HS3ST2: variants seen among roughly 807,000 people sequenced by gnomAD.
HS3ST2 encodes heparan sulfate-glucosamine 3-sulfotransferase 2, also known as heparan sulfate glucosamine 3-O-sulfotransferase 2.
A neutral mutation model predicts 26.3 loss-of-function variants in HS3ST2; 17 were observed. That is an observed-to-expected ratio of 0.65 (90% CI 0.44 to 0.97). The LOEUF (loss-of-function observed/expected upper bound fraction) is 0.97, where lower values mean the gene tolerates loss of function less well. Among genes scored for constraint, HS3ST2 ranks in the 50% least tolerant of loss-of-function variants. The pLI, the probability that HS3ST2 is intolerant of heterozygous loss-of-function variation, is 0.00. For missense variants in HS3ST2, 402 were observed against 501.2 expected (o/e 0.80, Z 1.89); for synonymous variants, 237 against 219.2 (o/e 1.08, Z -0.72).
intron 1 of HS3ST2, among the ~76,000 whole-genome samples, chr16:22,883,633 G>GATGGCT (rs1902022610): frequency 6.6e-6 from 1 of 152,130 alleles, no homozygotes. Context: ...AATATTACAC[G>GATGGCT]ATGGCTAAAC....
chr16:22,845,956 G>T (rs1901425321), intron 1 of HS3ST2, among the ~76,000 whole-genome samples: 1 of 152,160 alleles, frequency 6.6e-6, no homozygotes, highest in Admixed American at 6.5e-5. Context: ...AAGCCAAGAG[G>T]CCCAGTCAAC....
rs935716817 is a variant in HS3ST2, at chr16:22,824,562, A to G, written c.485+9467A>G. ...ACTCCGCCAAAAAGCAAGCAAACAAACAAACAAACAAACAAACAAACCATG... is the reference window on the plus strand; with the variant it reads ...ACTCCGCCAAAAAGCAAGCAAACAAGCAAACAAACAAACAAACAAACCATG... On this transcript the variant is annotated intron_variant, in intron 1 of 1. Coordinates refer to ENST00000261374, the MANE Select transcript of HS3ST2 (RefSeq NM_006043.2). 5.6e-3 allele frequency among the ~76,000 whole-genome samples: 846 copies of G among 152,256 alleles called. 7 individuals carry two copies. Among genetic ancestry groups the G allele is most frequent in the Non-Finnish European group, 8.9e-3 (605 of 68,012 alleles).
intron 1 of HS3ST2, among the ~76,000 whole-genome samples, chr16:22,871,138 A>T (rs73551265): frequency 6.6e-6 from 1 of 152,214 alleles, no homozygotes; most frequent in African/African-American, 2.4e-5. Context: ...CAGGTGGATC[A>T]CGAGATCAGG....
At position 22,814,827 on chromosome 16, in the gene HS3ST2, T is replaced by C. The variant is rs777795175; in HGVS notation, c.217T>C (p.Cys73Arg). 7 of 1,576,638 alleles carry C rather than the reference T, an allele frequency of 4.4e-6. No individual in the cohort carries two copies. In the South Asian group the frequency reaches 6.9e-5, roughly 16 times the overall value. The change falls in exon 1 of 2, where the codon TGT becomes CGT. Residue 73 changes from cysteine (C) to arginine (R), a missense_variant. By Grantham distance (180) the Cys-to-Arg change is radical. This residue lies in a region of HS3ST2 where 165 missense variants were observed against 154.6 expected (regional missense o/e 1.07). Transcript: ENST00000261374. ...GQKLLQKSRP[C>R]DPSGPTPSEP... The stretch of plus-strand genomic sequence containing the variant: ...GAAACTTCTCCAGAAGTCCCGCCCC[T>C]GTGATCCCTCCGGGCCGACGCCCAG...
At chr16:22,849,076 G>A (rs187911607) in intron 1 of HS3ST2, among the ~76,000 whole-genome samples, 33 of 152,152 alleles carry the variant, frequency 2.2e-4, no homozygotes, top group Admixed American at 1.6e-3. Context: ...CTTGTTTTTC[G>A]CATCTAAGAA....
At chr16:22,824,976 A>G (rs536360686) in intron 1 of HS3ST2, among the ~76,000 whole-genome samples, 2 of 152,338 alleles carry the variant, frequency 1.3e-5, no homozygotes, top group South Asian at 4.1e-4. Context: ...TAGGAAGCAT[A>G]CAAAGACAGA....
chr16:22,848,826 G>C (rs1901481654), intron 1 of HS3ST2, among the ~76,000 whole-genome samples: 1 of 152,188 alleles, frequency 6.6e-6, no homozygotes, highest in African/African-American at 2.4e-5. Context: ...GCTGCCAAGG[G>C]AAGGAACCCT....
chr16:22,816,664 A>G (rs1900874754), intron 1 of HS3ST2, among the ~76,000 whole-genome samples: 1 of 152,170 alleles, frequency 6.6e-6, no homozygotes, highest in Non-Finnish European at 1.5e-5. Flanking sequence ...TGTGCTTTCC[A>G]AGCTGTGACT....
intron 1 of HS3ST2, among the ~76,000 whole-genome samples, chr16:22,815,307 C>T (rs892738793): frequency 2.0e-5 from 3 of 152,220 alleles, no homozygotes; most frequent in African/African-American, 4.8e-5. Flanking sequence ...AAGGGCGTTC[C>T]CTCGTCACTG....
chr16:22,855,092 T>C (rs926252522), intron 1 of HS3ST2, among the ~76,000 whole-genome samples: 2 of 152,196 alleles, frequency 1.3e-5, no homozygotes, highest in Admixed American at 6.5e-5. Flanking sequence ...CTGTTGGAAT[T>C]TACTCTATTT....
rs1813109294 is a variant in HS3ST2, at chr16:22,915,021, C to T, written c.563C>T (p.Pro188Leu). The T allele has an allele frequency of 6.2e-7, 1 of 1,613,998 alleles. No individual in the cohort carries two copies. The highest frequency in any genetic ancestry group is 1.1e-5 in the South Asian group (1 of 91,072). ...AGCTACTTTGTCACTCAAGAGGCTC[C>T]TCGACGCATCTTCAACATGTCCCGA... The part of the protein sequence containing the change: ...TPSYFVTQEA[P>L]RRIFNMSRDT... Residue 188 changes from proline (P) to leucine (L), a missense_variant, in exon 2 of 2, where the codon CCT becomes CTT. This residue lies in a region of HS3ST2 where 237 missense variants were observed against 346.6 expected (regional missense o/e 0.68). Transcript: ENST00000261374.
At chr16:22,857,136 C>T (rs747162420) in intron 1 of HS3ST2, among the ~76,000 whole-genome samples, 1 of 151,952 alleles carries the variant, frequency 6.6e-6, no homozygotes, top group Admixed American at 6.6e-5. Flanking sequence ...AATGACACCT[C>T]GTTAAAAAAA....
chr16:22,899,235 T>C (rs1555514507), intron 1 of HS3ST2, among the ~76,000 whole-genome samples: 1 of 151,994 alleles, frequency 6.6e-6, no homozygotes, highest in Non-Finnish European at 1.5e-5. Flanking sequence ...CCGTGGACAA[T>C]TCAGGCAGGA....
At chr16:22,876,842 A>G (rs1216305401) in intron 1 of HS3ST2, among the ~76,000 whole-genome samples, 2 of 152,188 alleles carry the variant, frequency 1.3e-5, no homozygotes, top group African/African-American at 4.8e-5. Context: ...ACCTAGATGG[A>G]GTCGAAGGCC....
chr16:22,899,022 C>G (rs1443737853), intron 1 of HS3ST2, among the ~76,000 whole-genome samples: 1 of 152,180 alleles, frequency 6.6e-6, no homozygotes, highest in Non-Finnish European at 1.5e-5. Context: ...TGCTATGCTG[C>G]AAGAAGTGGG....
intron 1 of HS3ST2, among the ~76,000 whole-genome samples, chr16:22,844,188 G>A (rs1457260945): frequency 6.6e-6 from 1 of 152,058 alleles, no homozygotes; most frequent in African/African-American, 2.4e-5. Context: ...ATATGTCCCA[G>A]GTGTGGAAGC....
intron 1 of HS3ST2, among the ~76,000 whole-genome samples, chr16:22,852,526 C>T (rs947586910): frequency 6.6e-6 from 1 of 152,028 alleles, no homozygotes; most frequent in African/African-American, 2.4e-5. Flanking sequence ...TCTTAGACAC[C>T]CTGGGAGAAG....
At position 22,814,590 on chromosome 16, in the gene HS3ST2, C is replaced by T. The variant is rs1227360565; in HGVS notation, c.-21C>T. 1 of 1,507,224 alleles carries T rather than the reference C, an allele frequency of 6.6e-7. No individual in the cohort carries two copies. The highest frequency in any genetic ancestry group is 1.2e-5 in the South Asian group (1 of 80,484). 93.4% of individuals were successfully genotyped at this position (1,507,224 alleles called of 1,614,324 possible). ...GGTGCCCCCTCGGAAACCATGACCC[C>T]CGGCGCGGGCCCATGGAGCCATGGC... On this transcript the variant is annotated 5_prime_UTR_variant, in exon 1 of 2. Transcript: ENST00000261374.
chr16:22,896,928 C>T (rs1392631495), intron 1 of HS3ST2, among the ~76,000 whole-genome samples: 1 of 152,156 alleles, frequency 6.6e-6, no homozygotes, highest in African/African-American at 2.4e-5. Flanking sequence ...CACCTCAGCC[C>T]CATCAAGTAG....
Sources: gnomAD v4.1 joint callset for allele counts (sites outside exome capture counted in the v4.1 genomes callset) on GRCh38, gnomAD v4.1.1 for gene constraint, gnomAD v4.1.1 regional missense constraint, MANE v1.5 for transcripts, NCBI Gene and HGNC (gene_info 2026-07-23, HGNC 2026-07-21) for gene names.